CUL3: variants seen among roughly 807,000 people sequenced by gnomAD.
CUL3 encodes cullin 3, also known as cullin-3.
CUL3 carries 19 observed loss-of-function variants against 89.1 expected under a neutral mutation model. The observed-to-expected ratio is 0.21, with a 90% CI of 0.15 to 0.31. The LOEUF is 0.31. CUL3 is among the 10% of genes least tolerant of loss of function. CUL3 has a pLI of 1.00. For synonymous variants in CUL3, 351 were observed against 308.4 expected (o/e 1.14, Z -1.45); for missense variants, 469 against 942.3 (o/e 0.50, Z 6.58).
intron 6 of CUL3, among the ~76,000 whole-genome samples, chr2:224,510,913 A>T (rs1692800110): frequency 1.3e-5 from 2 of 152,302 alleles, no homozygotes; most frequent in South Asian, 4.1e-4. Flanking sequence ...TTGCATTTTC[A>T]GCACCCTGTC....
At chr2:224,512,028 C>T (rs1288030460) in intron 5 of CUL3, among the ~76,000 whole-genome samples, 1 of 152,148 alleles carries the variant, frequency 6.6e-6, no homozygotes, top group Non-Finnish European at 1.5e-5. Flanking sequence ...CATCCCACTC[C>T]CAGTCTCAAA....
intron 11 of CUL3, 87 bp from the exon 12 acceptor site, chr2:224,497,936 T>C (rs958332530): frequency 1.8e-5 from 17 of 922,994 alleles, no homozygotes; most frequent in Admixed American, 1.9e-5. Flanking sequence ...CCTTAAACAT[T>C]TGTGTGTGTG....
chr2:224,519,027 C>G (rs1412436173), intron 3 of CUL3, among the ~76,000 whole-genome samples: 25 of 152,132 alleles, frequency 1.6e-4, no homozygotes, highest in Admixed American at 2.0e-4. Flanking sequence ...GTAAAGGAAG[C>G]CAAGGCATGT....
chr2:224,545,623 T>C (rs1694266086), intron 2 of CUL3, among the ~76,000 whole-genome samples: 1 of 152,194 alleles, frequency 6.6e-6, no homozygotes, highest in African/African-American at 2.4e-5. Context: ...GACTGACAAT[T>C]CATGTATTTA....
chr2:224,548,231 T>TA (rs1694377778), intron 2 of CUL3, among the ~76,000 whole-genome samples: 2 of 152,146 alleles, frequency 1.3e-5, no homozygotes, highest in African/African-American at 4.8e-5. Context: ...GTCTAAAACG[T>TA]AACTTCCACA....
chr2:224,491,604 A>T (rs1263227515), intron 13 of CUL3, among the ~76,000 whole-genome samples: 1 of 152,168 alleles, frequency 6.6e-6, no homozygotes, highest in Non-Finnish European at 1.5e-5. Context: ...AAGGCATAAT[A>T]GTAGTAGTAA....
intron 2 of CUL3, among the ~76,000 whole-genome samples, chr2:224,541,848 T>A (rs1373167789): frequency 6.6e-6 from 1 of 150,408 alleles, no homozygotes; most frequent in African/African-American, 2.5e-5. Flanking sequence ...AAAAAAAAAA[T>A]CCAAAACTAT....
rs750610847 is a variant in CUL3, at chr2:224,513,558, G to C, written c.620C>G (p.Ala207Gly). 6.3e-7 allele frequency: 1 copy of C among 1,598,202 alleles called. No individual in the cohort carries two copies. Among genetic ancestry groups the C allele is most frequent in the Non-Finnish European group, 8.5e-7 (1 of 1,175,842 alleles). Residue 207 changes from alanine (A) to glycine (G), a missense_variant, in exon 5 of 16, where the codon GCT (alanine) becomes GGT (glycine). Around this residue, in one of 4 missense-constraint regions of CUL3, gnomAD observed 370 missense variants for 733.2 expected, o/e 0.50. Transcript: ENST00000264414. ...TTCTGCAGACATTTCCAAAAAAGGA[G>C]CCTCAAAATCTTCTTCATAGACTGA... ...GRSVYEEDFE[A>G]PFLEMSAEFF...
intron 3 of CUL3, among the ~76,000 whole-genome samples, chr2:224,520,062 T>G (rs1319821892): frequency 1.3e-5 from 2 of 152,308 alleles, no homozygotes; most frequent in Admixed American, 6.5e-5. Flanking sequence ...TTAGCAGAGA[T>G]AGAAAGTTGG....
At chr2:224,567,526 C>T (rs946197450) in intron 1 of CUL3, among the ~76,000 whole-genome samples, 7 of 151,996 alleles carry the variant, frequency 4.6e-5, no homozygotes, top group African/African-American at 1.7e-4. Flanking sequence ...GATCACCAAG[C>T]CAGGAGATCC....
chr2:224,563,041 C>T (rs748570786), intron 1 of CUL3: 5 of 351,268 alleles, frequency 1.4e-5, no homozygotes, highest in Admixed American at 4.1e-5. Context: ...CATGCATCAA[C>T]AAAGGAAAGT....
intron 1 of CUL3, among the ~76,000 whole-genome samples, chr2:224,576,180 T>A (rs774314332): frequency 7.2e-5 from 11 of 152,044 alleles, no homozygotes; most frequent in Admixed American, 5.9e-4. Flanking sequence ...AGGACTGTAA[T>A]AGAAACCTCA....
Position 224,585,149 on chromosome 2 carries a change from G to T in CUL3, c.-140C>A. 4.4e-6 allele frequency: 2 copies of T among 454,572 alleles called. No individual in the cohort carries two copies. The highest frequency in any genetic ancestry group is 6.1e-6 in the Non-Finnish European group (2 of 326,494). The allele number at this position is 454,572 out of a possible 1,614,324, so 28.2% of individuals were successfully genotyped here. A position where few individuals can be genotyped will look rare whatever the true frequency, so the allele number is the denominator to read the frequency against. ...CCGGGCAGGGCTGGGGAGCTGGCCG[G>T]CCCCTGGGCAGCCGCGGCGGCGGCG... On this transcript the variant is annotated 5_prime_UTR_variant, in exon 1 of 16. Transcript: ENST00000264414.
At chr2:224,483,493 G>C (rs772654122) in intron 13 of CUL3, among the ~76,000 whole-genome samples, 1 of 152,056 alleles carries the variant, frequency 6.6e-6, no homozygotes, top group Non-Finnish European at 1.5e-5. Flanking sequence ...AACAAGATAA[G>C]GATGCCTATC....
In CUL3 at chr2:224,472,311, TAGG is replaced by T. The variant is rs899633662; in HGVS notation, c.*1931_*1933del. 4.7e-6 allele frequency: 1 copy of T among 212,176 alleles called. No homozygotes were observed. Among genetic ancestry groups the T allele is most frequent in the Admixed American group, 5.9e-5 (1 of 17,032 alleles). The allele number at this position is 212,176 out of a possible 1,614,324, so 13.1% of individuals were successfully genotyped here. ...GCACTAAAATGTTTAATGTCTCACT[TAGG>T]AGATTTCAAATAAAGTTTTTACATC... On this transcript the variant is annotated 3_prime_UTR_variant, in exon 16 of 16. Transcript: ENST00000264414.
intron 3 of CUL3, among the ~76,000 whole-genome samples, chr2:224,530,886 G>A (rs969347609): frequency 1.3e-5 from 2 of 151,428 alleles, no homozygotes; most frequent in Non-Finnish European, 2.9e-5. Flanking sequence ...CAGCCTGGGC[G>A]ACAGAGCAAG....
At position 224,474,156 on chromosome 2, in the gene CUL3, T is replaced by C. The variant is rs192166927; in HGVS notation, c.*89A>G. 3.0e-6 allele frequency: 4 copies of C among 1,324,120 alleles called. No homozygotes were observed. Among genetic ancestry groups the C allele is most frequent in the Admixed American group, 4.3e-5 (2 of 46,208 alleles). 82.0% of individuals were successfully genotyped at this position (1,324,120 alleles called of 1,614,324 possible). A position where few individuals can be genotyped will look rare whatever the true frequency, so the allele number is the denominator to read the frequency against. On this transcript the variant is annotated 3_prime_UTR_variant, in exon 16 of 16. Transcript: ENST00000264414. The stretch of plus-strand genomic sequence containing the variant: ...ATGTACTGTAATTTAATAGAAGAGA[T>C]GGTCGTCTTAATATTTAATGATTTA...
chr2:224,563,240 C>T lies in CUL3; in HGVS notation c.67-5384G>A, dbSNP rs910596858. On this transcript the variant is annotated intron_variant, in intron 1 of 15. Coordinates refer to ENST00000264414, the MANE Select transcript of CUL3 (RefSeq NM_003590.5). ...TTTAGAAAACATTATTCCCCTACATCTCTTGTATACTACTTTTCCAGAGCC... is the reference window on the plus strand; with the variant it reads ...TTTAGAAAACATTATTCCCCTACATTTCTTGTATACTACTTTTCCAGAGCC... 12 of 471,216 alleles carry T rather than the reference C, an allele frequency of 2.5e-5. No homozygotes were observed. In the East Asian group the frequency reaches 8.3e-4, roughly 33 times the overall value. The allele number at this position is 471,216 out of a possible 1,614,324, so 29.2% of individuals were successfully genotyped here.
intron 1 of CUL3, 41 bp from the exon 2 acceptor site, chr2:224,557,897 A>AAAAC (rs1553535892): frequency 8.7e-7 from 1 of 1,148,616 alleles, no homozygotes; most frequent in Non-Finnish European, 1.2e-6. Context: ...AAAAAAAAAA[A>AAAAC]AAAAAAAACC....
Sources: gnomAD v4.1 joint callset for allele counts (sites outside exome capture counted in the v4.1 genomes callset) on GRCh38, gnomAD v4.1.1 for gene constraint, gnomAD v4.1.1 regional missense constraint, MANE v1.5 for transcripts, NCBI Gene and HGNC (gene_info 2026-07-23, HGNC 2026-07-21) for gene names.